YIPF2: variants seen among roughly 807,000 people sequenced by gnomAD.
YIPF2 encodes protein YIPF2.
YIPF2 carries 30 observed loss-of-function variants against 38.8 expected under a neutral mutation model. The observed-to-expected ratio is 0.77, with a 90% CI of 0.58 to 1.05. The LOEUF is 1.05. Ranked by LOEUF, YIPF2 falls within the 50% of genes least tolerant of loss-of-function variation. The pLI, the probability that YIPF2 is intolerant of heterozygous loss-of-function variation, is 0.00. For missense variants in YIPF2, 401 were observed against 409.7 expected (o/e 0.98, Z 0.18); for synonymous variants, 194 against 183.8 (o/e 1.06, Z -0.45).
chr19:10,923,038 T>A lies in YIPF2; in HGVS notation c.*156A>T. ...CTTTATATAAATTCTCTGAATCACC[T>A]TTGCATAGAAAATAAAAGTGTTTGC... is the stretch of plus-strand genomic sequence containing the variant. On this transcript the variant is annotated 3_prime_UTR_variant, in exon 10 of 10. Transcript: ENST00000586748. 1 of 437,220 alleles carries A rather than the reference T, an allele frequency of 2.3e-6. No homozygotes were observed. The allele number at this position is 437,220 out of a possible 1,614,324, so 27.1% of individuals were successfully genotyped here. A position where few individuals can be genotyped will look rare whatever the true frequency, so the allele number is the denominator to read the frequency against.
At chr19:10,928,244 C>G in intron 2 of YIPF2, 136 bp downstream of exon 2, 2 of 1,130,150 alleles carry the variant, frequency 1.8e-6, no homozygotes, top group Non-Finnish European at 2.4e-6. Context: ...GGGTTCGAGT[C>G]AGAGATGGGT....
At chr19:10,925,614 C>T (rs1433688099) in intron 5 of YIPF2, 72 bp downstream of exon 5, 4 of 1,560,380 alleles carry the variant, frequency 2.6e-6, no homozygotes, top group African/African-American at 2.7e-5. Flanking sequence ...CGCAGCTATA[C>T]ACTGGCATCT....
rs1408486511 is a variant in YIPF2 at position 10,928,562 on chromosome 19, A to C, written c.-82T>G. The stretch of plus-strand genomic sequence containing the variant: ...CTTGAACTCGTCGTCCCGTCCCCAC[A>C]GGTGCGCTCCGCCCCCCCTCACCTG... On this transcript the variant is annotated 5_prime_UTR_variant, in exon 1 of 10. Coordinates refer to ENST00000586748, the MANE Select transcript of YIPF2 (RefSeq NM_001321439.2). 4.5e-6 allele frequency: 5 copies of C among 1,117,438 alleles called. No individual in the cohort carries two copies. In the African/African-American group the frequency reaches 5.0e-5, roughly 11 times the overall value. The allele number at this position is 1,117,438 out of a possible 1,614,324, so 69.2% of individuals were successfully genotyped here.
intron 1 of YIPF2, 27 bp from the exon 2 acceptor site, chr19:10,928,467 C>T: frequency 7.3e-6 from 10 of 1,361,796 alleles, no homozygotes; most frequent in Non-Finnish European, 9.5e-6. Context: ...GTCAGGCACA[C>T]TTCCCCCCCG....
chr19:10,923,582 G>T lies in YIPF2; in HGVS notation c.747C>A (p.Pro249=). The change falls in exon 8 of 10, where the codon CCC becomes CCA. Residue 249 remains proline (P), a synonymous_variant. Transcript: ENST00000586748. ...SAAGLVFTLW[P]VVREDTRLVA... is the part of the protein sequence containing the mutation. ...CCAGCCTGGTGTCCTCACGGACCAC[G>T]GGCCAGAGGGTGAATACCAGCCCGG... The T allele has an allele frequency of 6.2e-7, 1 of 1,612,838 alleles. No individual in the cohort carries two copies. The highest frequency in any genetic ancestry group is 1.1e-5 in the South Asian group (1 of 91,076).
Position 10,923,449 on chromosome 19 carries a change from C to G in YIPF2, c.835-42G>C, listed in dbSNP as rs539165343. On this transcript the variant is annotated intron_variant, in intron 8 of 9. Coordinates refer to ENST00000586748, the MANE Select transcript of YIPF2 (RefSeq NM_001321439.2). ...GGGTCAGAGGCAGGGCCAGCCCATG[C>G]CCCCCTAGCCCCTCGGCCCCACCTG... 5.8e-5 allele frequency: 94 copies of G among 1,612,576 alleles called. No individual in the cohort carries two copies. The South Asian group carries it at 7.5e-4, about 13-fold the overall frequency.
In YIPF2 at chr19:10,923,816, C is replaced by T. The variant is rs571844346; in HGVS notation, c.651+17G>A. The T allele has an allele frequency of 2.7e-5, 43 of 1,609,100 alleles. No homozygotes were observed. Among genetic ancestry groups the T allele is most frequent in the Admixed American group, 3.4e-5 (2 of 59,496 alleles). On this transcript the variant is annotated intron_variant, in intron 7 of 9. Coordinates refer to ENST00000586748, the MANE Select transcript of YIPF2 (RefSeq NM_001321439.2). ...CCCCACACAGCCACCACCCACTCCG[C>T]GCCAGGCCACACTCACCACCATGGG...
rs1304920118 is a variant in YIPF2 at position 10,927,743 on chromosome 19, G to T, written c.193-27C>A. ...TGCACATTGCGGGCATTCAGTGCCT[G>T]CCCGGAGAGCCTGGGTCAGCTGGGG... On this transcript the variant is annotated intron_variant, in intron 3 of 9. Transcript: ENST00000586748. 3.7e-6 allele frequency: 6 copies of T among 1,611,824 alleles called. No individual in the cohort carries two copies. In the African/African-American group the frequency reaches 6.7e-5, roughly 18 times the overall value.
intron 5 of YIPF2, 125 bp from the exon 6 acceptor site, chr19:10,924,317 C>A (rs942099501): frequency 5.0e-6 from 4 of 803,328 alleles, no homozygotes; most frequent in Non-Finnish European, 7.7e-6. Context: ...CTCACCAGGA[C>A]ACCGGGGGCC....
In YIPF2 at chr19:10,924,122, G is replaced by C; in HGVS notation, c.438C>G (p.Ala146=). The part of the protein sequence containing the change: ...AVTGNLTLVL[A]QRRDPSIHYS... ...AGTGGATGGAGGGGTCCCTCCTCTG[G>C]GCCAGCACCAGCGTCAGGTTGCCAG... Residue 146 remains alanine, a synonymous_variant, in exon 6 of 10, where the codon GCC becomes GCG. Coordinates refer to ENST00000586748, the MANE Select transcript of YIPF2 (RefSeq NM_001321439.2). 3.7e-6 allele frequency: 6 copies of C among 1,613,736 alleles called. No individual in the cohort carries two copies. Among genetic ancestry groups the C allele is most frequent in the Non-Finnish European group, 5.1e-6 (6 of 1,179,924 alleles).
intron 2 of YIPF2, 25 bp from the exon 3 acceptor site, chr19:10,927,984 A>T: frequency 1.3e-6 from 2 of 1,587,448 alleles, no homozygotes; most frequent in Non-Finnish European, 1.7e-6. Flanking sequence ...TATGGGACAC[A>T]CGCACGTTTG....
At chr19:10,927,980 AC>A in intron 2 of YIPF2, 21 bp from the exon 3 acceptor site, 1 of 1,588,016 alleles carries the variant, frequency 6.3e-7, no homozygotes, top group Non-Finnish European at 8.6e-7. Context: ...GGTATATGGG[AC>A]ACACGCACGT....
In YIPF2 at chr19:10,926,191, G is replaced by A. The variant is rs187195650; in HGVS notation, c.280-418C>T. Among the ~76,000 whole-genome samples, 592 of 151,348 alleles carry A rather than the reference G, an allele frequency of 3.9e-3. 4 individuals carry two copies. The highest frequency in any genetic ancestry group is 0.014 in the African/African-American group (567 of 41,278). On this transcript the variant is annotated intron_variant, in intron 4 of 9. Transcript: ENST00000586748. Reference sequence around the variant, plus strand: ...CTCCCAAAGTACTGGGATTACAGGCGTGAGCCACCGTTCCCAGCCCCCTCT... The same window carrying A: ...CTCCCAAAGTACTGGGATTACAGGCATGAGCCACCGTTCCCAGCCCCCTCT...
chr19:10,928,260 T>TC, intron 2 of YIPF2, 120 bp downstream of exon 2: 1 of 1,242,898 alleles, frequency 8.0e-7, no homozygotes, highest in Non-Finnish European at 1.1e-6. Context: ...TGGGTCTCAC[T>TC]CCTGGGTCAG....
chr19:10,928,115 G>A (rs146149890), intron 2 of YIPF2, among the ~76,000 whole-genome samples, 156 bp from the exon 3 acceptor site: 1 of 152,070 alleles, frequency 6.6e-6, no homozygotes, highest in Non-Finnish European at 1.5e-5. Context: ...GGAGGCATCC[G>A]GAGGACATCT....
Position 10,927,582 on chromosome 19 carries a change from C to T in YIPF2, c.279+48G>A, listed in dbSNP as rs201625119. 34 of 1,601,932 alleles carry T rather than the reference C, an allele frequency of 2.1e-5. No homozygotes were observed. In the Admixed American group the frequency reaches 4.3e-4, roughly 20 times the overall value. On this transcript the variant is annotated intron_variant, in intron 4 of 9. Coordinates refer to ENST00000586748, the MANE Select transcript of YIPF2 (RefSeq NM_001321439.2). The stretch of plus-strand genomic sequence containing the variant: ...CCTGCCCAGGGGAAGAGTGGCTGAA[C>T]CCTGAGCATAACTCTGAGCCCCATC...
In YIPF2 at chr19:10,923,284, G is replaced by A; in HGVS notation, c.*7C>T. ...GAATAGTCCTTACCTGTGGGACCCG[G>A]GCCTTCCTAGGAGGGGGCCAGGGAC... On this transcript the variant is annotated 3_prime_UTR_variant, in exon 9 of 10. Transcript: ENST00000586748. 1 of 1,605,424 alleles carries A rather than the reference G, an allele frequency of 6.2e-7. No individual in the cohort carries two copies. The highest frequency in any genetic ancestry group is 8.5e-7 in the Non-Finnish European group (1 of 1,177,068).
In YIPF2 at chr19:10,927,799, C is replaced by A. The variant is rs751777054; in HGVS notation, c.192G>T (p.Ala64=). The change falls in exon 3 of 10, where the codon GCG becomes GCT. Residue 64 remains alanine (A), a splice_region_variant and synonymous_variant. Transcript: ENST00000586748. Reference sequence around the variant, plus strand: ...AAGGAGGCAGGACACAGGGACTCACCGCGGCCTTGTCACTCTCCTCCTCCA... The same window carrying A: ...AAGGAGGCAGGACACAGGGACTCACAGCGGCCTTGTCACTCTCCTCCTCCA... The part of the protein sequence containing the change: ...DEVEEESDKA[A]LLQEQQQQQQ... 6.2e-7 allele frequency: 1 copy of A among 1,606,912 alleles called. No individual in the cohort carries two copies. Among genetic ancestry groups the A allele is most frequent in the Non-Finnish European group, 8.5e-7 (1 of 1,176,152 alleles).
intron 7 of YIPF2, 76 bp downstream of exon 7, chr19:10,923,757 A>G: frequency 6.3e-7 from 1 of 1,581,746 alleles, no homozygotes; most frequent in Non-Finnish European, 8.6e-7. Context: ...CCTCACCACC[A>G]TGGGAATGAG....
Sources: gnomAD v4.1 joint callset for allele counts (sites outside exome capture counted in the v4.1 genomes callset) on GRCh38, gnomAD v4.1.1 for gene constraint, MANE v1.5 for transcripts, NCBI Gene and HGNC (gene_info 2026-07-23, HGNC 2026-07-21) for gene names.